Variants in BARX2 observed in about 807,000 individuals in gnomAD.
The protein encoded by BARX2 is homeobox protein BarH-like 2.
Under a neutral mutation model 25.5 loss-of-function variants are expected in BARX2, and 11 were observed. The observed-to-expected ratio is 0.43, with a 90% CI of 0.27 to 0.71. BARX2 has a LOEUF of 0.71. Among genes scored for constraint, BARX2 ranks in the 30% least tolerant of loss-of-function variants. The probability of loss-of-function intolerance (pLI) is 0.19; values close to 1 mark genes in which losing one functional copy is unlikely to be tolerated. For missense variants in BARX2, 360 were observed against 359.9 expected (o/e 1.00, Z 0.00); for synonymous variants, 137 against 149.5 (o/e 0.92, Z 0.61).
intron 3 of BARX2, 41 bp downstream of exon 3, chr11:129,442,960 A>ATC: frequency 6.4e-7 from 1 of 1,567,574 alleles, no homozygotes; most frequent in Non-Finnish European, 8.8e-7. Flanking sequence ...TCCTGATGGG[A>ATC]AGGACTTTTA....
intron 2 of BARX2, chr11:129,437,257 G>A (rs1198472875): frequency 1.5e-5 from 9 of 606,228 alleles, no homozygotes; most frequent in Non-Finnish European, 2.0e-5. Context: ...GCCTGCCTGC[G>A]GCTAAACTTA....
chr11:129,396,255 C>A (rs1861719894), intron 1 of BARX2, among the ~76,000 whole-genome samples: 1 of 152,152 alleles, frequency 6.6e-6, no homozygotes, highest in African/African-American at 2.4e-5. Flanking sequence ...GCTCGTGTTT[C>A]TTTACAGCAC....
intron 3 of BARX2, among the ~76,000 whole-genome samples, chr11:129,447,738 T>C (rs909746912): frequency 2.0e-5 from 3 of 152,128 alleles, no homozygotes; most frequent in African/African-American, 7.2e-5. Flanking sequence ...GTGGGTGGTG[T>C]TCTCTAATTG....
intron 1 of BARX2, among the ~76,000 whole-genome samples, chr11:129,397,714 A>G (rs1861736049): frequency 6.6e-6 from 1 of 152,226 alleles, no homozygotes; most frequent in African/African-American, 2.4e-5. Flanking sequence ...ATACGCAGTT[A>G]CCAGAATCAT....
chr11:129,381,504 TC>T (rs1340786111), intron 1 of BARX2, among the ~76,000 whole-genome samples: 1 of 152,230 alleles, frequency 6.6e-6, no homozygotes, highest in East Asian at 1.9e-4. Context: ...CTCTTTGAAC[TC>T]TACCTACAGG....
chr11:129,380,585 G>A (rs1210797111), intron 1 of BARX2, among the ~76,000 whole-genome samples: 6 of 152,076 alleles, frequency 3.9e-5, no homozygotes, highest in African/African-American at 1.2e-4. Context: ...AAAAATGATC[G>A]TTATCAACAA....
At chr11:129,414,672 C>G (rs1234253769) in intron 1 of BARX2, among the ~76,000 whole-genome samples, 1 of 152,196 alleles carries the variant, frequency 6.6e-6, no homozygotes, top group African/African-American at 2.4e-5. Flanking sequence ...TGGGGAGAAG[C>G]AGGGAGTGAA....
intron 1 of BARX2, among the ~76,000 whole-genome samples, chr11:129,395,876 C>G (rs995534581): frequency 1.3e-5 from 2 of 152,034 alleles, no homozygotes; most frequent in African/African-American, 2.4e-5. Context: ...ATAGCGACAC[C>G]CGTGCTCAGG....
chr11:129,412,681 G>A (rs1158969097), intron 1 of BARX2, among the ~76,000 whole-genome samples: 3 of 152,194 alleles, frequency 2.0e-5, no homozygotes, highest in Non-Finnish European at 4.4e-5. Context: ...GGGTGGTAAC[G>A]TCTAGCTGTT....
Position 129,428,549 on chromosome 11 carries a change from T to C in BARX2, c.188-8202T>C, listed in dbSNP as rs897930509. On this transcript the variant is annotated intron_variant, in intron 1 of 3. Transcript: ENST00000281437. ...TTGTGAAATTAAAGCTCTGGGTCAA[T>C]GCTACTTTGTTGGAAATCAAGTCAT... 2.6e-5 allele frequency among the ~76,000 whole-genome samples: 4 copies of C among 152,352 alleles called. No individual in the cohort carries two copies. In the East Asian group the frequency reaches 7.7e-4, roughly 29 times the overall value.
intron 3 of BARX2, among the ~76,000 whole-genome samples, chr11:129,449,163 C>G (rs1411282032): frequency 2.6e-5 from 4 of 152,150 alleles, no homozygotes; most frequent in Admixed American, 2.0e-4. Flanking sequence ...TCCTAAAAAT[C>G]ACTGAATAGT....
rs528544637 is a variant in BARX2, at chr11:129,391,722, C to G, written c.187+15500C>G. On this transcript the variant is annotated intron_variant, in intron 1 of 3. Coordinates refer to ENST00000281437, the MANE Select transcript of BARX2 (RefSeq NM_003658.5). The stretch of plus-strand genomic sequence containing the variant: ...AATTTCCAGACCTTTCTAGAAGTAA[C>G]ACAGGATTTTCTGCACGGAGAGGGG... 5.9e-5 allele frequency among the ~76,000 whole-genome samples: 9 copies of G among 152,212 alleles called. No individual in the cohort carries two copies. The East Asian group carries it at 1.7e-3, about 29-fold the overall frequency.
At chr11:129,399,711 A>C (rs1861757100) in intron 1 of BARX2, among the ~76,000 whole-genome samples, 1 of 152,186 alleles carries the variant, frequency 6.6e-6, no homozygotes, top group South Asian at 2.1e-4. Flanking sequence ...GCAGTTCTAC[A>C]GTCACTTATA....
At chr11:129,400,606 G>T (rs752810311) in intron 1 of BARX2, among the ~76,000 whole-genome samples, 1 of 152,212 alleles carries the variant, frequency 6.6e-6, no homozygotes, top group Non-Finnish European at 1.5e-5. Context: ...GTGCCGTGGA[G>T]ATTTTATTCT....
At chr11:129,430,547 T>A (rs1862117658) in intron 1 of BARX2, among the ~76,000 whole-genome samples, 1 of 152,200 alleles carries the variant, frequency 6.6e-6, no homozygotes, top group South Asian at 2.1e-4. Flanking sequence ...TAATTTATAT[T>A]TAGTAAAAAT....
Position 129,375,939 on chromosome 11 carries a change from C to T in BARX2, c.-97C>T, listed in dbSNP as rs1204759003. On this transcript the variant is annotated 5_prime_UTR_variant, in exon 1 of 4. Coordinates refer to ENST00000281437, the MANE Select transcript of BARX2 (RefSeq NM_003658.5). The surrounding 1 kb of genome is among the most constrained non-coding windows in gnomAD (Gnocchi z 4.0). ...CCGCCGCCTCCCCAGCTGCCGGGAG[C>T]GGGGCCCAGGCCCCGCCGTCGCGCC... 26 of 712,920 alleles carry T rather than the reference C, an allele frequency of 3.6e-5. No individual in the cohort carries two copies. The highest frequency in any genetic ancestry group is 4.1e-5 in the Non-Finnish European group (24 of 580,390). 44.2% of individuals were successfully genotyped at this position (712,920 alleles called of 1,614,324 possible). A position where few individuals can be genotyped will look rare whatever the true frequency, so the allele number is the denominator to read the frequency against.
At chr11:129,434,762 G>T (rs1862170061) in intron 1 of BARX2, among the ~76,000 whole-genome samples, 1 of 152,136 alleles carries the variant, frequency 6.6e-6, no homozygotes, top group Admixed American at 6.5e-5. Flanking sequence ...GGTAGATACT[G>T]CTTAATTTGT....
chr11:129,440,307 T>TA (rs1862241857), intron 2 of BARX2, among the ~76,000 whole-genome samples: 1 of 152,266 alleles, frequency 6.6e-6, no homozygotes, highest in East Asian at 1.9e-4. Context: ...TAACACTGTT[T>TA]GCTAATGCAG....
At chr11:129,419,113 T>TG (rs1260213592) in intron 1 of BARX2, among the ~76,000 whole-genome samples, 1 of 152,156 alleles carries the variant, frequency 6.6e-6, no homozygotes, top group Non-Finnish European at 1.5e-5. Context: ...CGCCCTGTGT[T>TG]GGGGGGTGTC....
Sources: allele counts gnomAD v4.1 joint callset (sites outside exome capture counted in the v4.1 genomes callset), GRCh38; gene constraint gnomAD v4.1.1; non-coding constraint Gnocchi (gnomAD v3.1); transcripts MANE v1.5; gene names NCBI Gene and HGNC (gene_info 2026-07-23, HGNC 2026-07-21).